Variants in AIFM2 observed in about 807,000 individuals in gnomAD.
AIFM2 encodes AIF family member 2, ferroptosis suppressor, also known as ferroptosis suppressor protein 1.
AIFM2 carries 38 observed loss-of-function variants against 35.7 expected under a neutral mutation model. The ratio of observed to expected loss-of-function variants is 1.06; its 90% CI spans 0.82 to 1.39. The LOEUF is 1.39. Ranked by LOEUF, AIFM2 falls within the 40% of genes most tolerant of loss-of-function variation. The pLI, the probability that AIFM2 is intolerant of heterozygous loss-of-function variation, is 0.00. For missense variants in AIFM2, 476 were observed against 491.2 expected (o/e 0.97, Z 0.29); for synonymous variants, 185 against 203.5 (o/e 0.91, Z 0.77).
At position 70,113,848 on chromosome 10, in the gene AIFM2, A is replaced by C; in HGVS notation, c.*330T>G. On this transcript the variant is annotated 3_prime_UTR_variant, in exon 9 of 9. Transcript: ENST00000307864. Reference sequence around the variant, plus strand: ...ACGCGTCATGACCACAAGCACGTACACACACATGCACATCCCAGAGGAGGC... The same window carrying C: ...ACGCGTCATGACCACAAGCACGTACCCACACATGCACATCCCAGAGGAGGC... 1 of 277,546 alleles carries C rather than the reference A, an allele frequency of 3.6e-6. No individual in the cohort carries two copies. Among genetic ancestry groups the C allele is most frequent in the South Asian group, 4.7e-5 (1 of 21,432 alleles). The allele number at this position is 277,546 out of a possible 1,614,324, so 17.2% of individuals were successfully genotyped here. A position where few individuals can be genotyped will look rare whatever the true frequency, so the allele number is the denominator to read the frequency against.
rs976900342 is a variant in AIFM2 at position 70,112,784 on chromosome 10, T to G, written c.*1394A>C. ...AGAGGGGCTCCTCTGGATTGGAAGATCTCTCCCAAATAGAGGAATCATTTA... is the reference window on the plus strand; with the variant it reads ...AGAGGGGCTCCTCTGGATTGGAAGAGCTCTCCCAAATAGAGGAATCATTTA... On this transcript the variant is annotated 3_prime_UTR_variant, in exon 9 of 9. Transcript: ENST00000307864. 1 of 152,252 alleles carries G rather than the reference T, an allele frequency of 6.6e-6. No homozygotes were observed. Among genetic ancestry groups the G allele is most frequent in the African/African-American group, 2.4e-5 (1 of 41,454 alleles). The allele number at this position is 152,252 out of a possible 1,614,324, so 9.4% of individuals were successfully genotyped here. A position where few individuals can be genotyped will look rare whatever the true frequency, so the allele number is the denominator to read the frequency against.
Position 70,124,080 on chromosome 10 carries a change from C to T in AIFM2, c.5G>A (p.Gly2Glu), listed in dbSNP as rs41277978. The T allele has an allele frequency of 6.6e-7, 1 of 1,523,264 alleles. No individual in the cohort carries two copies. The highest frequency in any genetic ancestry group is 1.4e-5 in the African/African-American group (1 of 71,804). 94.4% of individuals were successfully genotyped at this position (1,523,264 alleles called of 1,614,324 possible). A position where few individuals can be genotyped will look rare whatever the true frequency, so the allele number is the denominator to read the frequency against. Reference sequence around the variant, plus strand: ...TCCCGATTCCACCGAGACCTGGGACCCCATCTCAAATCAGGCACTGCTGGG... The same window carrying T: ...TCCCGATTCCACCGAGACCTGGGACTCCATCTCAAATCAGGCACTGCTGGG... M[G>E]SQVSVESGAL... Residue 2 changes from glycine (G) to glutamate (E), a missense_variant, in exon 2 of 9, where the codon GGG becomes GAG. By Grantham distance (98) the Gly-to-Glu change is moderately conservative (BLOSUM62 -2). Coordinates refer to ENST00000307864, the MANE Select transcript of AIFM2 (RefSeq NM_032797.6).
Position 70,116,644 on chromosome 10 carries a change from G to A in AIFM2, c.747C>T (p.Ser249=), listed in dbSNP as rs749287972. The change falls in exon 7 of 9, where the codon AGC becomes AGT. Residue 249 remains serine (S), a synonymous_variant. Coordinates refer to ENST00000307864, the MANE Select transcript of AIFM2 (RefSeq NM_032797.6). Reference sequence around the variant, plus strand: ...CACCAAACGCTTTGCGGTAGGCGGAGCTGTTGATCTTGATGCCGGTGCAGA... The same window carrying A: ...CACCAAACGCTTTGCGGTAGGCGGAACTGTTGATCTTGATGCCGGTGCAGA... ...VILCTGIKIN[S]SAYRKAFESR... 1 of 1,614,036 alleles carries A rather than the reference G, an allele frequency of 6.2e-7. No homozygotes were observed. Among genetic ancestry groups the A allele is most frequent in the South Asian group, 1.1e-5 (1 of 91,078 alleles).
At chr10:70,125,323 G>A (rs2072552782) in intron 1 of AIFM2, among the ~76,000 whole-genome samples, 1 of 151,790 alleles carries the variant, frequency 6.6e-6, no homozygotes, top group African/African-American at 2.4e-5. Flanking sequence ...AGATGGGGCT[G>A]GGTGTAGCAG....
At chr10:70,114,780 TA>T (rs2072416483) in intron 8 of AIFM2, 139 bp downstream of exon 8, 3 of 1,123,668 alleles carry the variant, frequency 2.7e-6, no homozygotes, top group Non-Finnish European at 3.8e-6. Flanking sequence ...AGCCTATTTT[TA>T]AAGAGCTCTA....
At chr10:70,123,805 C>G in intron 2 of AIFM2, 102 bp downstream of exon 2, 5 of 1,274,534 alleles carry the variant, frequency 3.9e-6, no homozygotes, top group Non-Finnish European at 5.3e-6. Context: ...AATGCAGGCA[C>G]TTGGCCCTAA....
At position 70,117,381 on chromosome 10, in the gene AIFM2, C is replaced by T. The variant is rs915216770; in HGVS notation, c.616+431G>A. ...CCAGCATTTGCTGGGTGGGTCTCGT[C>T]CCCTGCTCTACAAGAAGGCCACACT... On this transcript the variant is annotated intron_variant, in intron 6 of 8. Transcript: ENST00000307864. The surrounding 1 kb of genome is among the most constrained non-coding windows in gnomAD (Gnocchi z 4.7). Among the ~76,000 whole-genome samples the T allele has an allele frequency of 6.6e-6, 1 of 152,208 alleles. No homozygotes were observed. Among genetic ancestry groups the T allele is most frequent in the Non-Finnish European group, 1.5e-5 (1 of 68,036 alleles).
At position 70,114,726 on chromosome 10, in the gene AIFM2, G is replaced by A. The variant is rs191956710; in HGVS notation, c.970+194C>T. 1.8e-3 allele frequency: 1,206 copies of A among 662,918 alleles called. 2 individuals are homozygous for A. Among genetic ancestry groups the A allele is most frequent in the Non-Finnish European group, 2.7e-3 (1,084 of 399,972 alleles). The allele number at this position is 662,918 out of a possible 1,614,324, so 41.1% of individuals were successfully genotyped here. Reference sequence around the variant, plus strand: ...CGACCTCAGGTGATCTGCCCGCCTCGGCCTCCCAAAGTGCTGGGGTTACAG... The same window carrying A: ...CGACCTCAGGTGATCTGCCCGCCTCAGCCTCCCAAAGTGCTGGGGTTACAG... On this transcript the variant is annotated intron_variant, in intron 8 of 8. Transcript: ENST00000307864.
At chr10:70,115,973 T>C (rs2072431226) in intron 7 of AIFM2, among the ~76,000 whole-genome samples, 1 of 152,100 alleles carries the variant, frequency 6.6e-6, no homozygotes. Context: ...TTCCTTTTCC[T>C]GGGATTGGAT....
At chr10:70,123,161 T>A (rs144554444) in intron 3 of AIFM2, among the ~76,000 whole-genome samples, 56 of 152,274 alleles carry the variant, frequency 3.7e-4, no homozygotes, top group African/African-American at 1.3e-3. Context: ...TGAGATTACA[T>A]GCGCCCACCA....
rs1173248314 is a variant in AIFM2 at position 70,121,091 on chromosome 10, C to T, written c.414+1G>A. The T allele has an allele frequency of 6.2e-7, 1 of 1,610,750 alleles. No individual in the cohort carries two copies. Among genetic ancestry groups the T allele is most frequent in the Non-Finnish European group, 8.5e-7 (1 of 1,179,478 alleles). On this transcript the variant is annotated splice_donor_variant, in intron 4 of 8. Coordinates refer to ENST00000307864, the MANE Select transcript of AIFM2 (RefSeq NM_032797.6). LOFTEE classifies it high-confidence loss of function. The stretch of plus-strand genomic sequence containing the variant: ...CCCCATGCCTTCAGTGCACAGCTCA[C>T]CTGCCTCACCATGTCCTCATAGGCC...
chr10:70,123,540 G>A lies in AIFM2; in HGVS notation c.179-20C>T. On this transcript the variant is annotated intron_variant, in intron 2 of 8. Transcript: ENST00000307864. Reference sequence around the variant, plus strand: ...CGAACCCTGGGGAAGGGACACAGAAGAGGTCATAGGGCAGAGCCAGGCTGC... The same window carrying A: ...CGAACCCTGGGGAAGGGACACAGAAAAGGTCATAGGGCAGAGCCAGGCTGC... The A allele has an allele frequency of 6.2e-7, 1 of 1,607,426 alleles. No individual in the cohort carries two copies. Among genetic ancestry groups the A allele is most frequent in the Non-Finnish European group, 8.5e-7 (1 of 1,174,072 alleles).
rs1398486904 is a variant in AIFM2 at position 70,123,488 on chromosome 10, C to T, written c.211G>A (p.Val71Met). 2 of 1,614,146 alleles carry T rather than the reference C, an allele frequency of 1.2e-6. No homozygotes were observed. Among genetic ancestry groups the T allele is most frequent in the Non-Finnish European group, 1.7e-6 (2 of 1,180,004 alleles). Reference protein sequence around the residue: ...FAKKTFISYSVTFKDNFRQGL... With the variant: ...FAKKTFISYSMTFKDNFRQGL... The stretch of plus-strand genomic sequence containing the variant: ...TGCCGGAAGTTGTCCTTGAAAGTCA[C>T]CGAGTAAGAAATGAATGTCTTTTTG... Residue 71 changes from valine (V) to methionine (M), a missense_variant, in exon 3 of 9, where the codon GTG becomes ATG. Physicochemically the swap from Val to Met is conservative, Grantham distance 21. Transcript: ENST00000307864.
At position 70,123,503 on chromosome 10, in the gene AIFM2, A is replaced by C; in HGVS notation, c.196T>G (p.Phe66Val). 2 of 1,614,000 alleles carry C rather than the reference A, an allele frequency of 1.2e-6. No individual in the cohort carries two copies. Among genetic ancestry groups the C allele is most frequent in the Non-Finnish European group, 1.7e-6 (2 of 1,179,938 alleles). The change falls in exon 3 of 9, where the codon TTC (phenylalanine) becomes GTC (valine). Residue 66 changes from phenylalanine to valine, a missense_variant. Physicochemically the swap from Phe to Val is conservative, Grantham distance 50 (BLOSUM62 -1). Coordinates refer to ENST00000307864, the MANE Select transcript of AIFM2 (RefSeq NM_032797.6). ...SVETGFAKKT[F>V]ISYSVTFKDN... Reference sequence around the variant, plus strand: ...TTGAAAGTCACCGAGTAAGAAATGAATGTCTTTTTGGCGAACCCTGGGGAA... The same window carrying C: ...TTGAAAGTCACCGAGTAAGAAATGACTGTCTTTTTGGCGAACCCTGGGGAA...
chr10:70,123,910 T>C lies in AIFM2; in HGVS notation c.175A>G (p.Thr59Ala). Residue 59 changes from threonine (T) to alanine (A), a missense_variant, in exon 2 of 9, where the codon ACA (threonine) becomes GCA (alanine). Thr to Ala is a moderately conservative substitution (Grantham distance 58). Transcript: ENST00000307864. ...NVAALRASVETGFAKKTFISY... is the reference protein window; with the variant it reads ...NVAALRASVEAGFAKKTFISY... The stretch of plus-strand genomic sequence containing the variant: ...GCCCCAGACGGGAGCACATTACCTG[T>C]CTCCACGGAGGCTCGGAGAGCAGCC... 1.3e-6 allele frequency: 2 copies of C among 1,573,822 alleles called. No individual in the cohort carries two copies. The highest frequency in any genetic ancestry group is 1.7e-6 in the Non-Finnish European group (2 of 1,154,574).
At chr10:70,114,353 A>G in intron 8 of AIFM2, 24 bp from the exon 9 acceptor site, 1 of 1,613,506 alleles carries the variant, frequency 6.2e-7, no homozygotes, top group Non-Finnish European at 8.5e-7. Context: ...CACAGAAACA[A>G]CCAGAACCTC....
chr10:70,124,079 C>G lies in AIFM2; in HGVS notation c.6G>C (p.Gly2=), dbSNP rs1436662530. The change falls in exon 2 of 9, where the codon GGG becomes GGC. Residue 2 remains glycine (G), a synonymous_variant. Coordinates refer to ENST00000307864, the MANE Select transcript of AIFM2 (RefSeq NM_032797.6). M[G]SQVSVESGAL... ...CTCCCGATTCCACCGAGACCTGGGA[C>G]CCCATCTCAAATCAGGCACTGCTGG... is the stretch of plus-strand genomic sequence containing the variant. The G allele has an allele frequency of 6.6e-7, 1 of 1,525,292 alleles. No individual in the cohort carries two copies. The highest frequency in any genetic ancestry group is 1.2e-5 in the South Asian group (1 of 80,512). The allele number at this position is 1,525,292 out of a possible 1,614,324, so 94.5% of individuals were successfully genotyped here.
chr10:70,118,985 T>G (rs548214108), intron 5 of AIFM2, among the ~76,000 whole-genome samples: 203 of 152,220 alleles, frequency 1.3e-3, no homozygotes, highest in African/African-American at 4.6e-3. Context: ...TCAGCTCCAG[T>G]GACGAGAGGG....
chr10:70,127,828 AG>A (rs1195525391), intron 1 of AIFM2, among the ~76,000 whole-genome samples: 1 of 152,218 alleles, frequency 6.6e-6, no homozygotes, highest in Non-Finnish European at 1.5e-5. Context: ...GAGCAGGGCC[AG>A]GGAGGGGAGG....
Sources: gnomAD v4.1 joint callset for allele counts (sites outside exome capture counted in the v4.1 genomes callset) on GRCh38, gnomAD v4.1.1 for gene constraint, Gnocchi (gnomAD v3.1) non-coding constraint, MANE v1.5 for transcripts, NCBI Gene and HGNC (gene_info 2026-07-23, HGNC 2026-07-21) for gene names.